Variants in SLC1A2 observed in about 807,000 individuals in gnomAD.
SLC1A2 encodes the protein excitatory amino acid transporter 2.
Under a neutral mutation model 48.8 loss-of-function variants are expected in SLC1A2, and 15 were observed. That is an observed-to-expected ratio of 0.31 (90% CI 0.21 to 0.47). SLC1A2 has a LOEUF of 0.47. Among genes scored for constraint, SLC1A2 ranks in the 20% least tolerant of loss-of-function variants. The pLI, the probability that SLC1A2 is intolerant of heterozygous loss-of-function variation, is 0.99. For missense variants in SLC1A2, 502 were observed against 730.5 expected (o/e 0.69, Z 3.61); for synonymous variants, 279 against 272.6 (o/e 1.02, Z -0.23).
chr11:35,366,953 T>C (rs1429559456), intron 1 of SLC1A2, among the ~76,000 whole-genome samples: 1 of 151,566 alleles, frequency 6.6e-6, no homozygotes, highest in Admixed American at 6.6e-5. Flanking sequence ...AACATGGGAG[T>C]GGTTGTTATT....
chr11:35,394,381 G>T (rs1854886298), intron 1 of SLC1A2, among the ~76,000 whole-genome samples: 2 of 152,124 alleles, frequency 1.3e-5, no homozygotes, highest in South Asian at 2.1e-4. Flanking sequence ...CAGATGGGGG[G>T]ACACACCAAT....
intron 1 of SLC1A2, among the ~76,000 whole-genome samples, chr11:35,404,069 G>T (rs1855212763): frequency 6.6e-6 from 1 of 151,716 alleles, no homozygotes; most frequent in Non-Finnish European, 1.5e-5. Context: ...TAATTTTGTT[G>T]CTTGCTTCCC....
chr11:35,369,868 T>C (rs1853998651), intron 1 of SLC1A2, among the ~76,000 whole-genome samples: 1 of 152,140 alleles, frequency 6.6e-6, no homozygotes, highest in Non-Finnish European at 1.5e-5. Flanking sequence ...AAAATCATAA[T>C]ATAAGGATCC....
rs1950261863 is a variant in SLC1A2, at chr11:35,252,969, A to G, written c.*7925T>C. ...AGGGTACATCTAATCTGTTTGTTTA[A>G]TGAAGAGCAGGTTCAAATACATACC... On this transcript the variant is annotated 3_prime_UTR_variant, in exon 11 of 11. Coordinates refer to ENST00000278379, the MANE Select transcript of SLC1A2 (RefSeq NM_004171.4). 1 of 152,494 alleles carries G rather than the reference A, an allele frequency of 6.6e-6. No homozygotes were observed. The allele number at this position is 152,494 out of a possible 1,614,324, so 9.4% of individuals were successfully genotyped here. A position where few individuals can be genotyped will look rare whatever the true frequency, so the allele number is the denominator to read the frequency against.
At chr11:35,285,824 T>C (rs1323712310) in intron 8 of SLC1A2, 1 of 152,224 alleles carries the variant, frequency 6.6e-6, no homozygotes, top group African/African-American at 2.4e-5. Context: ...TACCAACTTT[T>C]AGCCCCAAAT....
chr11:35,269,208 GAC>G (rs1341908860), intron 9 of SLC1A2, among the ~76,000 whole-genome samples: 1 of 152,138 alleles, frequency 6.6e-6, no homozygotes, highest in Non-Finnish European at 1.5e-5. Flanking sequence ...GCCCTCACCA[GAC>G]ACAGAATCTC....
chr11:35,295,554 G>A (rs1326158636), intron 6 of SLC1A2, among the ~76,000 whole-genome samples: 1 of 152,214 alleles, frequency 6.6e-6, no homozygotes, highest in African/African-American at 2.4e-5. Flanking sequence ...AGAGGCTGAG[G>A]GCTCCACGGA....
At chr11:35,281,349 T>C (rs914072944) in intron 8 of SLC1A2, among the ~76,000 whole-genome samples, 1 of 152,176 alleles carries the variant, frequency 6.6e-6, no homozygotes, top group Non-Finnish European at 1.5e-5. Flanking sequence ...AAATCACCCT[T>C]AATCCTCCCA....
intron 10 of SLC1A2, 32 bp from the exon 11 acceptor site, chr11:35,260,997 C>T (rs1384588549): frequency 3.2e-6 from 5 of 1,566,982 alleles, no homozygotes; most frequent in Middle Eastern, 1.7e-4. Flanking sequence ...ATCCAGCTTA[C>T]AGACCACGAA....
rs1005164422 is a variant in SLC1A2, at chr11:35,256,056, G to A, written c.*4838C>T. 3.9e-5 allele frequency: 6 copies of A among 152,172 alleles called. No individual in the cohort carries two copies. The highest frequency in any genetic ancestry group is 1.4e-4 in the African/African-American group (6 of 41,440). 9.4% of individuals were successfully genotyped at this position (152,172 alleles called of 1,614,324 possible). On this transcript the variant is annotated 3_prime_UTR_variant, in exon 11 of 11. Transcript: ENST00000278379. ...CATAATACATTGGGCTCATAGGGCT[G>A]GAAGGGGATTTTAGTCATTTAATCC...
At chr11:35,376,130 A>G (rs1245844878) in intron 1 of SLC1A2, among the ~76,000 whole-genome samples, 2 of 152,164 alleles carry the variant, frequency 1.3e-5, no homozygotes, top group African/African-American at 2.4e-5. Flanking sequence ...TGTTTAGTGC[A>G]GTCAATTAAA....
intron 1 of SLC1A2, among the ~76,000 whole-genome samples, chr11:35,358,783 A>G (rs1310577351): frequency 6.6e-6 from 1 of 152,228 alleles, no homozygotes; most frequent in Non-Finnish European, 1.5e-5. Context: ...TTGAGAGAAT[A>G]AATAAGTACT....
At chr11:35,412,035 A>C (rs1346189140) in intron 1 of SLC1A2, among the ~76,000 whole-genome samples, 1 of 131,208 alleles carries the variant, frequency 7.6e-6, no homozygotes, top group African/African-American at 2.9e-5. Flanking sequence ...GAAGACACTT[A>C]CTGGAGCAAA....
At position 35,317,513 on chromosome 11, in the gene SLC1A2, G is replaced by A. The variant is rs1591466956; in HGVS notation, c.21C>T (p.Ala7=). The A allele has an allele frequency of 1.9e-6, 3 of 1,613,278 alleles. No individual in the cohort carries two copies. In the East Asian group the frequency reaches 6.7e-5, roughly 36 times the overall value. MASTEG[A]NNMPKQVEVR... ...CTTCCACCTGCTTGGGCATATTGTT[G>A]GCACTGGAACAGAAGTGAAGGCAGA... Residue 7 remains alanine (A), a synonymous_variant, in exon 2 of 11, where the codon GCC becomes GCT. Transcript: ENST00000278379.
chr11:35,265,560 A>G lies in SLC1A2; in HGVS notation c.1620T>C (p.Ala540=). 1 of 1,604,918 alleles carries G rather than the reference A, an allele frequency of 6.2e-7. No individual in the cohort carries two copies. The highest frequency in any genetic ancestry group is 8.5e-7 in the Non-Finnish European group (1 of 1,171,646). ...RESNSNQCVY[A]AHNSVIVDEC... ...CATCTACTATGACAGAGTTGTGTGC[A>G]GCATAGACACATTGATTAGAGTTGC... Residue 540 remains alanine (A), a synonymous_variant, in exon 10 of 11, where the codon GCT becomes GCC. Coordinates refer to ENST00000278379, the MANE Select transcript of SLC1A2 (RefSeq NM_004171.4).
intron 1 of SLC1A2, among the ~76,000 whole-genome samples, chr11:35,389,922 G>A (rs952175197): frequency 2.6e-5 from 4 of 152,244 alleles, no homozygotes; most frequent in East Asian, 3.8e-4. Flanking sequence ...AAGGTTTTGG[G>A]GTCTTAAGTA....
intron 1 of SLC1A2, among the ~76,000 whole-genome samples, chr11:35,365,921 G>A (rs1853832538): frequency 6.6e-6 from 1 of 152,208 alleles, no homozygotes; most frequent in Admixed American, 6.5e-5. Flanking sequence ...ACAATTATGA[G>A]GTGAGGGGAG....
chr11:35,365,561 G>A (rs937562759), intron 1 of SLC1A2, among the ~76,000 whole-genome samples: 9 of 150,998 alleles, frequency 6.0e-5, no homozygotes, highest in Admixed American at 4.0e-4. Context: ...TCACTCATCC[G>A]AAAAACTCCT....
At chr11:35,353,922 A>T (rs773969669) in intron 1 of SLC1A2, among the ~76,000 whole-genome samples, 14 of 152,214 alleles carry the variant, frequency 9.2e-5, no homozygotes, top group Non-Finnish European at 1.8e-4. Context: ...CAATATTAAT[A>T]TACATTTAAA....
Sources: gnomAD v4.1 joint callset for allele counts (sites outside exome capture counted in the v4.1 genomes callset) on GRCh38, gnomAD v4.1.1 for gene constraint, MANE v1.5 for transcripts, NCBI Gene and HGNC (gene_info 2026-07-23, HGNC 2026-07-21) for gene names.